CNTNAP2: variants seen among roughly 807,000 people sequenced by gnomAD.
CNTNAP2 encodes the protein contactin associated protein 2.
A neutral mutation model predicts 155.2 loss-of-function variants in CNTNAP2; 98 were observed. That is an observed-to-expected ratio of 0.63 (90% CI 0.54 to 0.75). CNTNAP2 has a LOEUF of 0.75. CNTNAP2 is among the 30% of genes least tolerant of loss of function. The probability of loss-of-function intolerance (pLI) is 0.00; values close to 1 mark genes in which losing one functional copy is unlikely to be tolerated. For missense variants in CNTNAP2, 1,727 were observed against 1,688.1 expected (o/e 1.02, Z -0.40); for synonymous variants, 651 against 631.2 (o/e 1.03, Z -0.47).
chr7:146,322,537 A>G (rs1380698284), intron 1 of CNTNAP2, among the ~76,000 whole-genome samples: 2 of 151,466 alleles, frequency 1.3e-5, no homozygotes, highest in African/African-American at 4.8e-5. Context: ...TCAGAATGAA[A>G]CATACAAATT....
intron 1 of CNTNAP2, among the ~76,000 whole-genome samples, chr7:146,164,226 C>A (rs1489420430): frequency 1.3e-5 from 2 of 151,648 alleles, no homozygotes; most frequent in Non-Finnish European, 1.5e-5. Flanking sequence ...GTAACATTTG[C>A]CCTATTAAAT....
At chr7:148,082,422 C>A (rs757728950) in intron 15 of CNTNAP2, among the ~76,000 whole-genome samples, 2 of 152,086 alleles carry the variant, frequency 1.3e-5, no homozygotes, top group Non-Finnish European at 2.9e-5. Context: ...TTGGAGGGAA[C>A]ACTTATTGAT....
At chr7:146,485,489 T>C (rs999534295) in intron 1 of CNTNAP2, among the ~76,000 whole-genome samples, 7 of 152,212 alleles carry the variant, frequency 4.6e-5, no homozygotes, top group Non-Finnish European at 8.8e-5. Context: ...AGTGGTAGAA[T>C]TGGATTTGAC....
chr7:147,754,711 A>G (rs1398035293), intron 13 of CNTNAP2, among the ~76,000 whole-genome samples: 4 of 152,190 alleles, frequency 2.6e-5, no homozygotes, highest in Non-Finnish European at 5.9e-5. Flanking sequence ...AAAAATTTTA[A>G]TTCATATTGA....
intron 14 of CNTNAP2, among the ~76,000 whole-genome samples, chr7:147,919,818 C>A (rs58624554): frequency 6.6e-6 from 1 of 151,434 alleles, no homozygotes; most frequent in Admixed American, 6.6e-5. Flanking sequence ...AACTCCTGGG[C>A]TCAAGTGATT....
At chr7:148,107,892 T>G (rs1804258618) in intron 15 of CNTNAP2, among the ~76,000 whole-genome samples, 1 of 152,208 alleles carries the variant, frequency 6.6e-6, no homozygotes, top group Admixed American at 6.5e-5. Flanking sequence ...AGCCCCAGTG[T>G]GAGCCATTTG....
chr7:148,062,014 A>AT (rs1198062888), intron 15 of CNTNAP2, among the ~76,000 whole-genome samples: 1 of 130,492 alleles, frequency 7.7e-6, no homozygotes, highest in Non-Finnish European at 1.6e-5. Flanking sequence ...TAGATGATAG[A>AT]GAGAGAGAGA....
intron 8 of CNTNAP2, among the ~76,000 whole-genome samples, chr7:147,160,524 A>T (rs989069976): frequency 3.9e-5 from 6 of 152,116 alleles, no homozygotes; most frequent in Non-Finnish European, 8.8e-5. Flanking sequence ...TTATTAATTA[A>T]GCATATGTTT....
At position 148,417,315 on chromosome 7, in the gene CNTNAP2, A is replaced by C. The variant is rs564832827; in HGVS notation, c.*1699A>C. ...GCACATCAGTTTCTTGGGTAATGGA[A>C]AACATTACCTAGAGTTGCCAGTGGC... On this transcript the variant is annotated 3_prime_UTR_variant, in exon 24 of 24. Transcript: ENST00000361727. 6.5e-6 allele frequency: 1 copy of C among 152,736 alleles called. No individual in the cohort carries two copies. Among genetic ancestry groups the C allele is most frequent in the South Asian group, 2.1e-4 (1 of 4,822 alleles). The allele number at this position is 152,736 out of a possible 1,614,324, so 9.5% of individuals were successfully genotyped here.
chr7:147,425,290 C>G (rs908940633), intron 10 of CNTNAP2, among the ~76,000 whole-genome samples: 4 of 150,378 alleles, frequency 2.7e-5, no homozygotes, highest in African/African-American at 9.8e-5. Context: ...AATCACTGTT[C>G]AGGATTGGAA....
chr7:147,851,874 C>T (rs549973161), intron 13 of CNTNAP2, among the ~76,000 whole-genome samples: 9 of 151,782 alleles, frequency 5.9e-5, no homozygotes, highest in East Asian at 3.9e-4. Flanking sequence ...TAAACCTGCA[C>T]GTTGTGCATA....
At chr7:148,413,929 T>G (rs1421413191) in intron 23 of CNTNAP2, among the ~76,000 whole-genome samples, 1 of 151,954 alleles carries the variant, frequency 6.6e-6, no homozygotes, top group Non-Finnish European at 1.5e-5. Flanking sequence ...TGTTGACCTG[T>G]ATTTAAAGTT....
chr7:148,389,713 C>T (rs983436165), intron 22 of CNTNAP2: 2 of 151,750 alleles, frequency 1.3e-5, no homozygotes, highest in African/African-American at 2.4e-5. Context: ...TGTGGAGCAC[C>T]GGAAACCACG....
intron 13 of CNTNAP2, among the ~76,000 whole-genome samples, chr7:147,890,891 C>A (rs995629107): frequency 2.0e-5 from 3 of 152,080 alleles, no homozygotes; most frequent in Non-Finnish European, 2.9e-5. Flanking sequence ...ACAACATGAT[C>A]ATTATAGTTA....
chr7:146,193,845 T>G lies in CNTNAP2; in HGVS notation c.97+76872T>G, dbSNP rs1270695925. ...CCAAACTTTTATGCTCTGCTTCCTC[T>G]TAATCACTTTGCCACCTTAGAAATT... On this transcript the variant is annotated intron_variant, in intron 1 of 23. Transcript: ENST00000361727. Among the ~76,000 whole-genome samples the G allele has an allele frequency of 2.0e-5, 3 of 152,216 alleles. No individual in the cohort carries two copies. In the East Asian group the frequency reaches 5.8e-4, roughly 29 times the overall value.
At chr7:146,400,499 G>T (rs1485528412) in intron 1 of CNTNAP2, among the ~76,000 whole-genome samples, 1 of 152,196 alleles carries the variant, frequency 6.6e-6, no homozygotes, top group Non-Finnish European at 1.5e-5. Context: ...AAGTAAGGCT[G>T]TCACATAACT....
At chr7:146,833,598 T>A (rs1353743180) in intron 2 of CNTNAP2, among the ~76,000 whole-genome samples, 4 of 152,182 alleles carry the variant, frequency 2.6e-5, no homozygotes, top group Non-Finnish European at 5.9e-5. Context: ...CTAACCTCTT[T>A]GGGCATACAG....
chr7:147,451,057 G>A (rs1488620760), intron 10 of CNTNAP2, among the ~76,000 whole-genome samples: 3 of 152,130 alleles, frequency 2.0e-5, no homozygotes, highest in African/African-American at 7.2e-5. Context: ...CCCTCAGCTG[G>A]AATATCTCAT....
At chr7:147,686,719 T>C (rs1796021991) in intron 13 of CNTNAP2, among the ~76,000 whole-genome samples, 1 of 151,992 alleles carries the variant, frequency 6.6e-6, no homozygotes. Context: ...GGAGGACTGA[T>C]GTTTCTGCTA....
Sources: allele counts gnomAD v4.1 joint callset (sites outside exome capture counted in the v4.1 genomes callset), GRCh38; gene constraint gnomAD v4.1.1; transcripts MANE v1.5; gene names NCBI Gene and HGNC (gene_info 2026-07-23, HGNC 2026-07-21).